The following INTS6L variants were observed in gnomAD, a reference collection of about 807,000 sequenced individuals.
INTS6L encodes integrator complex subunit 6 like.
In INTS6L, 18 loss-of-function variants were observed where a neutral mutation model predicts 64.7. The ratio of observed to expected loss-of-function variants is 0.28; its 90% CI spans 0.19 to 0.41. The LOEUF is 0.41. Ranked by LOEUF, INTS6L falls within the 10% of genes least tolerant of loss-of-function variation. INTS6L has a pLI of 1.00. For missense variants in INTS6L, 533 were observed against 661.0 expected (o/e 0.81, Z 2.12); for synonymous variants, 227 against 235.9 (o/e 0.96, Z 0.34).
chrX:135,558,618 A>G (rs1372430614), intron 9 of INTS6L, among the ~76,000 whole-genome samples: 1 of 111,121 alleles, frequency 9.0e-6, no homozygotes, highest in African/African-American at 3.3e-5. Context: ...GAAAATGGGA[A>G]CTTGTTCTTC....
chrX:135,545,930 T>C (rs1428936525), intron 3 of INTS6L, among the ~76,000 whole-genome samples: 1 of 111,669 alleles, frequency 9.0e-6, no homozygotes, highest in African/African-American at 3.3e-5. Context: ...CAGAGTAGCA[T>C]TTGCTGTTGC....
At chrX:135,551,970 CT>C in intron 7 of INTS6L, 23 bp from the exon 8 acceptor site, 1 of 1,102,759 alleles carries the variant, frequency 9.1e-7, no homozygotes, top group Non-Finnish European at 1.2e-6. Context: ...ATTTTTTCTG[CT>C]TTTTTTAAAA....
At position 135,521,306 on chromosome X, in the gene INTS6L, G is replaced by A. The variant is rs1415343910; in HGVS notation, c.177G>A (p.Pro59=). 5 of 1,201,777 alleles carry A rather than the reference G, an allele frequency of 4.2e-6. No individual in the cohort carries two copies. In the African/African-American group the frequency reaches 7.0e-5, roughly 17 times the overall value. ...TGCTGGTCACCTACGACGAACCCCCGTACTGCATCAAGGTAAAGGGGCTAC... is the reference window on the plus strand; with the variant it reads ...TGCTGGTCACCTACGACGAACCCCCATACTGCATCAAGGTAAAGGGGCTAC... The part of the protein sequence containing the change: ...RYMLVTYDEP[P]YCIKAGWKEN... Residue 59 remains proline (P), a synonymous_variant, in exon 2 of 18, where the codon CCG becomes CCA. Coordinates refer to ENST00000639893, the MANE Select transcript of INTS6L (RefSeq NM_001351601.3).
chrX:135,552,850 T>C (rs1279658647), intron 8 of INTS6L, among the ~76,000 whole-genome samples: 1 of 112,593 alleles, frequency 8.9e-6, no homozygotes, highest in Non-Finnish European at 1.9e-5. Flanking sequence ...ATGTTCTATT[T>C]CTAAACTGTA....
chrX:135,538,814 C>T (rs2086121645), intron 2 of INTS6L, among the ~76,000 whole-genome samples: 1 of 112,537 alleles, frequency 8.9e-6, no homozygotes, highest in South Asian at 3.7e-4. Context: ...TCTCCTTGTA[C>T]ATCTACATCA....
chrX:135,581,217 G>A, intron 17 of INTS6L, 74 bp downstream of exon 17: 1 of 788,382 alleles, frequency 1.3e-6, no homozygotes. Flanking sequence ...AGGAAAAAGA[G>A]AGGAATAGGC....
rs200733742 is a variant in INTS6L, at chrX:135,569,423, T to C, written c.1279T>C (p.Tyr427His). Residue 427 changes from tyrosine (Y) to histidine (H), a missense_variant, in exon 10 of 18, where the codon TAC (tyrosine) becomes CAC (histidine). By Grantham distance (83) the Tyr-to-His change is moderately conservative. Coordinates refer to ENST00000639893, the MANE Select transcript of INTS6L (RefSeq NM_001351601.3). ...CTACTTAAAAACTCTGCCTCCATAC[T>C]ACCTATTAGTATGTATTTGTGTGTA... ...DSYLKTLPPY[Y>H]LLPLKKALRM... The C allele has an allele frequency of 3.8e-5, 43 of 1,141,919 alleles. No homozygotes were observed. Among genetic ancestry groups the C allele is most frequent in the Non-Finnish European group, 5.1e-5 (43 of 849,149 alleles). 94.1% of individuals were successfully genotyped at this position (1,141,919 alleles called of 1,213,427 possible).
chrX:135,531,451 A>G (rs1396985455), intron 2 of INTS6L, among the ~76,000 whole-genome samples: 3 of 111,138 alleles, frequency 2.7e-5, no homozygotes, highest in African/African-American at 9.8e-5. Flanking sequence ...TCACAGTCAG[A>G]CCTCTTCTGT....
At chrX:135,526,617 A>G (rs1247144950) in intron 2 of INTS6L, among the ~76,000 whole-genome samples, 1 of 111,871 alleles carries the variant, frequency 8.9e-6, no homozygotes, top group African/African-American at 3.3e-5. Flanking sequence ...TTCCTCTGTG[A>G]TCCTTTAACA....
intron 16 of INTS6L, 66 bp from the exon 17 acceptor site, chrX:135,580,984 C>A: frequency 1.3e-6 from 1 of 795,122 alleles, no homozygotes; most frequent in Non-Finnish European, 1.7e-6. Flanking sequence ...TAAGGATGTA[C>A]AACAATTAAA....
In INTS6L at chrX:135,564,806, A is replaced by G. The variant is rs149198884; in HGVS notation, c.1193-4531A>G. Among the ~76,000 whole-genome samples the G allele has an allele frequency of 6.1e-3, 675 of 110,187 alleles. 1 individual carries two copies. Among genetic ancestry groups the G allele is most frequent in the African/African-American group, 0.022 (654 of 30,232 alleles). On this transcript the variant is annotated intron_variant, in intron 9 of 17. Transcript: ENST00000639893. ...AGTGATTTTTTTCCTGTACATTTTC[A>G]ATATTTTGTTATGAGTCTCTGGATC...
intron 7 of INTS6L, among the ~76,000 whole-genome samples, chrX:135,550,722 A>C (rs1336601985): frequency 9.0e-6 from 1 of 111,692 alleles, no homozygotes; most frequent in Non-Finnish European, 1.9e-5. Flanking sequence ...GTGGCCATGA[A>C]AGACCTGAAT....
intron 7 of INTS6L, among the ~76,000 whole-genome samples, chrX:135,550,655 A>C (rs1461796940): frequency 8.9e-6 from 1 of 111,779 alleles, no homozygotes; most frequent in Non-Finnish European, 1.9e-5. Context: ...AATTTCTGAC[A>C]GTGAATTGCA....
intron 8 of INTS6L, among the ~76,000 whole-genome samples, chrX:135,554,912 A>C (rs2086606436): frequency 1.2e-4 from 1 of 8,282 alleles, no homozygotes; most frequent in Non-Finnish European, 3.7e-4. Context: ...TTTTTTTGAG[A>C]CAGAGTCCTG....
rs1211387371 is a variant in INTS6L at position 135,520,810 on chromosome X, G to T, written c.-183G>T. The stretch of plus-strand genomic sequence containing the variant: ...TCAAGTTCCCTTGGAGGGAGAGGAG[G>T]TGGGGCTGCAGAAAGAGGAGGCCAG... On this transcript the variant is annotated 5_prime_UTR_variant, in exon 1 of 18. Transcript: ENST00000639893. 2 of 452,995 alleles carry T rather than the reference G, an allele frequency of 4.4e-6. No individual in the cohort carries two copies. The highest frequency in any genetic ancestry group is 7.6e-6 in the Non-Finnish European group (2 of 261,478). 37.3% of individuals were successfully genotyped at this position (452,995 alleles called of 1,213,427 possible). A position where few individuals can be genotyped will look rare whatever the true frequency, so the allele number is the denominator to read the frequency against.
At chrX:135,566,114 A>G (rs782338319) in intron 9 of INTS6L, among the ~76,000 whole-genome samples, 1 of 112,148 alleles carries the variant, frequency 8.9e-6, no homozygotes, top group Admixed American at 9.4e-5. Context: ...ATAGCTGCCC[A>G]GGTATGAATC....
intron 7 of INTS6L, among the ~76,000 whole-genome samples, chrX:135,551,098 A>G (rs2086491326): frequency 8.9e-6 from 1 of 112,509 alleles, no homozygotes; most frequent in South Asian, 3.7e-4. Flanking sequence ...TTATAATTGT[A>G]AACTATAAAG....
intron 2 of INTS6L, among the ~76,000 whole-genome samples, chrX:135,523,960 C>G (rs1316693728): frequency 1.3e-4 from 15 of 111,660 alleles, no homozygotes; most frequent in Non-Finnish European, 2.4e-4. Context: ...CCTATCTTTC[C>G]AAAGTTTTTC....
chrX:135,524,493 T>C (rs1307986284), intron 2 of INTS6L, among the ~76,000 whole-genome samples: 2 of 111,002 alleles, frequency 1.8e-5, no homozygotes, highest in Admixed American at 1.9e-4. Flanking sequence ...CCATTGTTTC[T>C]CTTTTTTCAC....
Sources: gnomAD v4.1 joint callset for allele counts (sites outside exome capture counted in the v4.1 genomes callset) on GRCh38, gnomAD v4.1.1 for gene constraint, MANE v1.5 for transcripts, NCBI Gene and HGNC (gene_info 2026-07-23, HGNC 2026-07-21) for gene names.